Variants in ALPK3 observed in about 807,000 individuals in gnomAD.
ALPK3 encodes alpha-protein kinase 3.
In ALPK3, 102 loss-of-function variants were observed where a neutral mutation model predicts 140.0. The ratio of observed to expected loss-of-function variants is 0.73; its 90% CI spans 0.62 to 0.86. ALPK3 has a LOEUF of 0.86. Among genes scored for constraint, ALPK3 ranks in the 40% least tolerant of loss-of-function variants. The pLI, the probability that ALPK3 is intolerant of heterozygous loss-of-function variation, is 0.00. For synonymous variants in ALPK3, 938 were observed against 898.5 expected (o/e 1.04, Z -0.79); for missense variants, 2,254 against 2,208.2 (o/e 1.02, Z -0.42).
intron 12 of ALPK3, among the ~76,000 whole-genome samples, chr15:84,864,907 C>T (rs1963986904): frequency 6.6e-6 from 1 of 152,160 alleles, no homozygotes; most frequent in Admixed American, 6.5e-5. Context: ...AGTCCAGGCT[C>T]AATTAAAAGT....
In ALPK3 at chr15:84,869,656, TC is replaced by T. The variant is rs2141577204; in HGVS notation, c.*1202del. The T allele has an allele frequency of 6.5e-6, 1 of 152,750 alleles. No individual in the cohort carries two copies. The highest frequency in any genetic ancestry group is 1.9e-4 in the East Asian group (1 of 5,154). 9.5% of individuals were successfully genotyped at this position (152,750 alleles called of 1,614,324 possible). ...CCAAGGACCCAGCAGCCTGGATCCT[TC>T]CAGAGCATCCCTCCTGGAGGCCTGG... On this transcript the variant is annotated 3_prime_UTR_variant, in exon 14 of 14. Coordinates refer to ENST00000258888, the MANE Select transcript of ALPK3 (RefSeq NM_020778.5).
At chr15:84,843,584 G>T (rs1164996951) in intron 5 of ALPK3, among the ~76,000 whole-genome samples, 1 of 152,140 alleles carries the variant, frequency 6.6e-6, no homozygotes, top group Non-Finnish European at 1.5e-5. Flanking sequence ...AGTTACTGAC[G>T]AGCTCCAAGT....
intron 9 of ALPK3, 97 bp from the exon 10 acceptor site, chr15:84,862,537 CA>C: frequency 7.0e-7 from 1 of 1,433,462 alleles, no homozygotes. Flanking sequence ...AGCAGGTTGG[CA>C]GGGTGGGAGG....
At chr15:84,822,901 C>T (rs1461699392) in intron 1 of ALPK3, among the ~76,000 whole-genome samples, 1 of 152,284 alleles carries the variant, frequency 6.6e-6, no homozygotes, top group Non-Finnish European at 1.5e-5. Flanking sequence ...CTCCTAGCCT[C>T]TCAGGGGATT....
intron 10 of ALPK3, among the ~76,000 whole-genome samples, chr15:84,863,338 C>T (rs563530416): frequency 1.3e-5 from 2 of 152,236 alleles, no homozygotes; most frequent in South Asian, 4.1e-4. Context: ...CTTCGAAAAC[C>T]TCAGTTTGAA....
In ALPK3 at chr15:84,840,701, G is replaced by T. The variant is rs147228539; in HGVS notation, c.1422G>T (p.Pro474=). The change falls in exon 5 of 14, where the codon CCG becomes CCT. Residue 474 remains proline (P), a synonymous_variant. Transcript: ENST00000258888. The part of the protein sequence containing the change: ...GQPTHSLTPQ[P]TRPFNRKRFA... ...CCACACACTCCTTGACCCCCCAGCC[G>T]ACTAGGCCTTTCAACAGAAAGAGAT... 7 of 1,611,640 alleles carry T rather than the reference G, an allele frequency of 4.3e-6. No homozygotes were observed. The South Asian group carries it at 6.6e-5, about 15-fold the overall frequency.
At position 84,817,568 on chromosome 15, in the gene ALPK3, A is replaced by C; in HGVS notation, c.116A>C (p.Tyr39Ser). 6.7e-7 allele frequency: 1 copy of C among 1,502,568 alleles called. No individual in the cohort carries two copies. 93.1% of individuals were successfully genotyped at this position (1,502,568 alleles called of 1,614,324 possible). ...VWIPSPASRS[Y>S]LLSVRPETSL... The stretch of plus-strand genomic sequence containing the variant: ...ATCCCCAGCCCAGCCAGCCGGAGCT[A>C]CCTGCTCAGCGTGCGGCCCGAGACC... Residue 39 changes from tyrosine to serine, a missense_variant, in exon 1 of 14, where the codon TAC becomes TCC. Around this residue, in one of 3 missense-constraint regions of ALPK3, gnomAD observed 2,088 missense variants for 2,022.9 expected, o/e 1.03. Coordinates refer to ENST00000258888, the MANE Select transcript of ALPK3 (RefSeq NM_020778.5).
intron 9 of ALPK3, among the ~76,000 whole-genome samples, chr15:84,861,422 C>T (rs540354232): frequency 6.6e-6 from 1 of 151,972 alleles, no homozygotes; most frequent in South Asian, 2.1e-4. Context: ...CCTTTTGCAT[C>T]CTATCTGGAG....
intron 5 of ALPK3, among the ~76,000 whole-genome samples, chr15:84,842,273 A>G (rs898947617): frequency 2.0e-5 from 3 of 152,220 alleles, no homozygotes; most frequent in African/African-American, 7.2e-5. Context: ...ACCTCAAGTG[A>G]TCTGTCCACC....
intron 5 of ALPK3, among the ~76,000 whole-genome samples, chr15:84,843,967 A>G (rs1306878990): frequency 6.6e-6 from 1 of 152,172 alleles, no homozygotes; most frequent in South Asian, 2.1e-4. Context: ...ATGGTGGCTC[A>G]TGCCTGTAAT....
chr15:84,840,755 C>T lies in ALPK3; in HGVS notation c.1476C>T (p.Ala492=), dbSNP rs1398532220. The T allele has an allele frequency of 1.9e-6, 3 of 1,614,092 alleles. No homozygotes were observed. Among genetic ancestry groups the T allele is most frequent in the Non-Finnish European group, 2.5e-6 (3 of 1,180,044 alleles). The part of the protein sequence containing the change: ...RFAPPKPKGE[A]TTDSKPISSL... Reference sequence around the variant, plus strand: ...CCCCTCCAAAGCCCAAAGGAGAGGCCACCACTGACAGCAAGCCCATTTCTT... The same window carrying T: ...CCCCTCCAAAGCCCAAAGGAGAGGCTACCACTGACAGCAAGCCCATTTCTT... The change falls in exon 5 of 14, where the codon GCC becomes GCT. Residue 492 remains alanine (A), a synonymous_variant. Coordinates refer to ENST00000258888, the MANE Select transcript of ALPK3 (RefSeq NM_020778.5).
intron 9 of ALPK3, among the ~76,000 whole-genome samples, chr15:84,861,854 CT>C (rs1023758291): frequency 6.6e-6 from 1 of 151,902 alleles, no homozygotes; most frequent in East Asian, 1.9e-4. Context: ...AGATTGGATT[CT>C]TTTTTTTGTT....
At chr15:84,837,498 A>T (rs575230963) in intron 3 of ALPK3, among the ~76,000 whole-genome samples, 1 of 152,228 alleles carries the variant, frequency 6.6e-6, no homozygotes, top group African/African-American at 2.4e-5. Flanking sequence ...TCTATCACAC[A>T]GTAAGCTCCT....
chr15:84,853,618 GA>G lies in ALPK3; in HGVS notation c.1654-2764del, dbSNP rs536723261. Among the ~76,000 whole-genome samples the G allele has an allele frequency of 5.2e-3, 765 of 148,050 alleles. 7 individuals are homozygous for G. Among genetic ancestry groups the G allele is most frequent in the South Asian group, 0.031 (146 of 4,680 alleles). ...GACAGAGCGAGACTCCGTCTCAAAA[GA>G]AAAAAAAAAGATTCTTCAGTCAGCC... On this transcript the variant is annotated intron_variant, in intron 5 of 13. Transcript: ENST00000258888.
At position 84,862,883 on chromosome 15, in the gene ALPK3, C is replaced by T. The variant is rs781232591; in HGVS notation, c.4378C>T (p.Leu1460Phe). Reference sequence around the variant, plus strand: ...GTTTGGGCCCAGCAGTGAGACTTCTCTTGTGGGCAGAAACTACGACGTCAC... The same window carrying T: ...GTTTGGGCCCAGCAGTGAGACTTCTTTTGTGGGCAGAAACTACGACGTCAC... ...LVFGPSSETS[L>F]VGRNYDVTIQ... Residue 1460 changes from leucine (L) to phenylalanine (F), a missense_variant, in exon 10 of 14, where the codon CTT becomes TTT. Around this residue, in one of 3 missense-constraint regions of ALPK3, gnomAD observed 2,088 missense variants for 2,022.9 expected, o/e 1.03. Coordinates refer to ENST00000258888, the MANE Select transcript of ALPK3 (RefSeq NM_020778.5). The T allele has an allele frequency of 1.9e-6, 3 of 1,614,088 alleles. No homozygotes were observed. Among genetic ancestry groups the T allele is most frequent in the African/African-American group, 1.3e-5 (1 of 75,040 alleles).
intron 5 of ALPK3, among the ~76,000 whole-genome samples, chr15:84,842,009 C>T (rs996377646): frequency 2.0e-5 from 3 of 152,046 alleles, no homozygotes; most frequent in South Asian, 2.1e-4. Context: ...AACTGGGTGT[C>T]GGTATTTCTT....
At chr15:84,826,833 A>G (rs1963493705) in intron 2 of ALPK3, among the ~76,000 whole-genome samples, 1 of 152,140 alleles carries the variant, frequency 6.6e-6, no homozygotes, top group Non-Finnish European at 1.5e-5. Flanking sequence ...TGGCTTTCCA[A>G]GGCTGCTTCC....
Position 84,859,314 on chromosome 15 carries a change from C to T in ALPK3, c.3889C>T (p.Gln1297Ter), listed in dbSNP as rs1178844779. The T allele has an allele frequency of 6.2e-7, 1 of 1,614,148 alleles. No individual in the cohort carries two copies. Among genetic ancestry groups the T allele is most frequent in the Non-Finnish European group, 8.5e-7 (1 of 1,180,016 alleles). Residue 1297 changes from glutamine to a stop codon, truncating the protein, a stop_gained, in exon 7 of 14, where the codon CAG (glutamine) becomes TAG (stop). Coordinates refer to ENST00000258888, the MANE Select transcript of ALPK3 (RefSeq NM_020778.5). LOFTEE classifies it high-confidence loss of function. ...DASGSLKLWC[Q>*]FFNILSDSVL... Reference sequence around the variant, plus strand: ...CTCCGGTAGCCTGAAGCTGTGGTGCCAGTTTTTCAACATTCTTAGTGACTC... The same window carrying T: ...CTCCGGTAGCCTGAAGCTGTGGTGCTAGTTTTTCAACATTCTTAGTGACTC...
At chr15:84,831,945 A>C (rs1255704173) in intron 3 of ALPK3, among the ~76,000 whole-genome samples, 11 of 152,158 alleles carry the variant, frequency 7.2e-5, no homozygotes, top group Admixed American at 7.2e-4. Context: ...TCAGCATAAG[A>C]CATTTATTTT....
Sources: gnomAD v4.1 joint callset for allele counts (sites outside exome capture counted in the v4.1 genomes callset) on GRCh38, gnomAD v4.1.1 for gene constraint, gnomAD v4.1.1 regional missense constraint, MANE v1.5 for transcripts, NCBI Gene and HGNC (gene_info 2026-07-23, HGNC 2026-07-21) for gene names.